Variants in ERBB4 observed in about 807,000 individuals in gnomAD.
ERBB4 encodes receptor tyrosine-protein kinase erbB-4.
ERBB4 carries 42 observed loss-of-function variants against 158.0 expected under a neutral mutation model. The ratio of observed to expected loss-of-function variants is 0.27; its 90% CI spans 0.21 to 0.34. The LOEUF (loss-of-function observed/expected upper bound fraction) is 0.34, where lower values mean the gene tolerates loss of function less well. Among genes scored for constraint, ERBB4 ranks in the 10% least tolerant of loss-of-function variants. ERBB4 has a pLI of 1.00. For missense variants in ERBB4, 1,333 were observed against 1,624.1 expected (o/e 0.82, Z 3.08); for synonymous variants, 583 against 558.7 (o/e 1.04, Z -0.61).
At chr2:211,754,723 A>G (rs531032787) in intron 4 of ERBB4, among the ~76,000 whole-genome samples, 2 of 146,090 alleles carry the variant, frequency 1.4e-5, no homozygotes, top group East Asian at 4.1e-4. Context: ...TTTTTGAGAC[A>G]GAGTTTTGCT....
chr2:211,653,997 G>A (rs980169739), intron 16 of ERBB4, among the ~76,000 whole-genome samples: 87 of 152,072 alleles, frequency 5.7e-4, no homozygotes, highest in African/African-American at 1.8e-3. Flanking sequence ...TTCATTTGTA[G>A]TTTTTGTCCT....
At chr2:212,241,524 A>G (rs1439053806) in intron 1 of ERBB4, among the ~76,000 whole-genome samples, 1 of 152,182 alleles carries the variant, frequency 6.6e-6, no homozygotes, top group Non-Finnish European at 1.5e-5. Context: ...ATTAGCTATT[A>G]TCTTAGAAAC....
At chr2:212,104,318 C>T (rs1343821121) in intron 2 of ERBB4, among the ~76,000 whole-genome samples, 3 of 151,886 alleles carry the variant, frequency 2.0e-5, no homozygotes, top group Non-Finnish European at 2.9e-5. Flanking sequence ...ATATATTGTT[C>T]AAAGTTAACC....
intron 3 of ERBB4, among the ~76,000 whole-genome samples, chr2:211,923,129 G>C (rs1286991489): frequency 6.6e-6 from 1 of 152,098 alleles, no homozygotes; most frequent in Non-Finnish European, 1.5e-5. Context: ...GGGAACTTTT[G>C]CATATGAATG....
intron 1 of ERBB4, among the ~76,000 whole-genome samples, chr2:212,171,985 C>A (rs2081532794): frequency 6.6e-6 from 1 of 152,064 alleles, no homozygotes; most frequent in Admixed American, 6.6e-5. Flanking sequence ...AAACAGCCAA[C>A]CTACAGAATG....
chr2:211,606,540 T>C (rs1394040609), intron 19 of ERBB4, among the ~76,000 whole-genome samples: 1 of 152,066 alleles, frequency 6.6e-6, no homozygotes, highest in Non-Finnish European at 1.5e-5. Flanking sequence ...ATATTATTTA[T>C]GGATCTCAAA....
chr2:211,635,007 G>A (rs1182538615), intron 16 of ERBB4, among the ~76,000 whole-genome samples: 3 of 152,108 alleles, frequency 2.0e-5, no homozygotes, highest in East Asian at 1.9e-4. Flanking sequence ...CAGCGGAAGC[G>A]ATAAGAGGCT....
At chr2:211,877,706 T>C (rs1292909401) in intron 3 of ERBB4, among the ~76,000 whole-genome samples, 1 of 152,230 alleles carries the variant, frequency 6.6e-6, no homozygotes, top group Non-Finnish European at 1.5e-5. Flanking sequence ...AATAAATACC[T>C]GAATATACTC....
intron 2 of ERBB4, among the ~76,000 whole-genome samples, chr2:212,026,994 A>T (rs1448566150): frequency 1.8e-4 from 27 of 151,982 alleles, no homozygotes; most frequent in Admixed American, 1.8e-3. Flanking sequence ...TAATTAATTA[A>T]TACAAATAAT....
intron 3 of ERBB4, among the ~76,000 whole-genome samples, chr2:211,825,791 C>G (rs2077088738): frequency 5.5e-5 from 8 of 146,432 alleles, no homozygotes; most frequent in African/African-American, 2.0e-4. Flanking sequence ...AATAATATAT[C>G]AATGATATAT....
chr2:212,292,133 A>G lies in ERBB4; in HGVS notation c.83-167230T>C, dbSNP rs533154050. ...AACAATTTTTAAGTCAGAAAATCCA[A>G]CTTTCTCCATTATCAAACACCTCTT... On this transcript the variant is annotated intron_variant, in intron 1 of 27. Coordinates refer to ENST00000342788, the MANE Select transcript of ERBB4 (RefSeq NM_005235.3). Among the ~76,000 whole-genome samples, 148 of 152,136 alleles carry G rather than the reference A, an allele frequency of 9.7e-4. 1 individual carries two copies. The highest frequency in any genetic ancestry group is 3.4e-3 in the African/African-American group (143 of 41,586).
chr2:211,867,051 A>AAAAAG (rs869292344), intron 3 of ERBB4, among the ~76,000 whole-genome samples: 1 of 138,406 alleles, frequency 7.2e-6, no homozygotes, highest in Admixed American at 7.1e-5. Flanking sequence ...AAAAAAAAAA[A>AAAAAG]GATCGTGTTC....
At position 212,538,778 on chromosome 2, in the gene ERBB4, CG is replaced by C. The variant is rs1693257862; in HGVS notation, c.-249del. The C allele has an allele frequency of 8.1e-6, 3 of 371,826 alleles. No individual in the cohort carries two copies. Among genetic ancestry groups the C allele is most frequent in the Non-Finnish European group, 1.4e-5 (3 of 213,030 alleles). The allele number at this position is 371,826 out of a possible 1,614,324, so 23.0% of individuals were successfully genotyped here. ...CGTGTGGGAGTGTGCTCGGTGTGTG[CG>C]CTTGGCGCTCTGGGCCGGACTGTGC... On this transcript the variant is annotated 5_prime_UTR_variant, in exon 1 of 28. Coordinates refer to ENST00000342788, the MANE Select transcript of ERBB4 (RefSeq NM_005235.3).
intron 16 of ERBB4, among the ~76,000 whole-genome samples, chr2:211,649,537 T>C (rs1173163579): frequency 1.3e-5 from 2 of 151,894 alleles, no homozygotes; most frequent in Non-Finnish European, 2.9e-5. Context: ...GGGTCAGAGA[T>C]TGAACAAAGG....
chr2:211,882,771 T>C (rs771398513), intron 3 of ERBB4, among the ~76,000 whole-genome samples: 6 of 152,230 alleles, frequency 3.9e-5, no homozygotes, highest in Non-Finnish European at 5.9e-5. Context: ...TTATAATTGC[T>C]ACACTGTGGT....
chr2:211,918,679 C>T (rs116114415), intron 3 of ERBB4, among the ~76,000 whole-genome samples: 153 of 152,200 alleles, frequency 1.0e-3, no homozygotes, highest in African/African-American at 3.4e-3. Context: ...TTGGCCAATG[C>T]CATTTCTAGT....
intron 7 of ERBB4, among the ~76,000 whole-genome samples, chr2:211,720,286 T>C (rs1201024741): frequency 3.3e-5 from 5 of 152,214 alleles, no homozygotes; most frequent in African/African-American, 1.2e-4. Context: ...CATTCTGTCT[T>C]TGGTATCCTT....
At chr2:211,696,039 C>T (rs1051144438) in intron 12 of ERBB4, among the ~76,000 whole-genome samples, 3 of 139,688 alleles carry the variant, frequency 2.1e-5, no homozygotes, top group African/African-American at 8.1e-5. Flanking sequence ...TTCCTTCCCT[C>T]CTTCCCCTTC....
At chr2:211,703,966 C>T in intron 11 of ERBB4, 138 bp downstream of exon 11, 1 of 715,006 alleles carries the variant, frequency 1.4e-6, no homozygotes, top group Non-Finnish European at 2.6e-6. Flanking sequence ...TTTTATTGAG[C>T]TTATCTTTGG....
Sources: allele counts gnomAD v4.1 joint callset (sites outside exome capture counted in the v4.1 genomes callset), GRCh38; gene constraint gnomAD v4.1.1; transcripts MANE v1.5; gene names NCBI Gene and HGNC (gene_info 2026-07-23, HGNC 2026-07-21).